The following USP33 variants were observed in gnomAD, a reference collection of about 807,000 sequenced individuals.
USP33 encodes the protein ubiquitin specific peptidase 33.
USP33 carries 46 observed loss-of-function variants against 124.2 expected under a neutral mutation model. The observed-to-expected ratio is 0.37, with a 90% confidence interval of 0.29 to 0.47. The LOEUF is 0.47. Ranked by LOEUF, USP33 falls within the 20% of genes least tolerant of loss-of-function variation. USP33 has a pLI of 0.99. For synonymous variants in USP33, 350 were observed against 352.3 expected, an observed-to-expected ratio of 0.99 and a Z score of 0.07; for missense variants, 851 against 1,070.6, an observed-to-expected ratio of 0.79 and a Z score of 2.86.
At chr1:77,721,554 T>G (rs1557835106) in intron 14 of USP33, 1 of 487,808 alleles carries the variant, frequency 2.0e-6, no homozygotes, top group East Asian at 3.8e-5. Context: ...AGTCCATTAT[T>G]TTGGTTGAGT....
chr1:77,711,749 G>T lies in USP33; in HGVS notation c.2404C>A (p.Arg802=). 1 of 1,600,720 alleles carries T rather than the reference G, an allele frequency of 6.2e-7. No individual in the cohort carries two copies. The highest frequency in any genetic ancestry group is 8.5e-7 in the Non-Finnish European group (1 of 1,176,684). The change falls in exon 21 of 24, where the codon CGG becomes AGG. Residue 802 remains arginine, a splice_region_variant and synonymous_variant. Transcript: ENST00000370794. ...RRKTELEIFI[R]LNRAFQKEDS... ...TTTGAAAAGCATCACTTTTTTACCC[G>T]AATAAAAATTTCCAATTCAGTTTTT...
At chr1:77,726,256 A>G (rs1677149916) in intron 10 of USP33, among the ~76,000 whole-genome samples, 1 of 152,044 alleles carries the variant, frequency 6.6e-6, no homozygotes, top group Non-Finnish European at 1.5e-5. Flanking sequence ...AATCCCAACT[A>G]ATGTTTATAA....
At chr1:77,698,044 T>A in intron 22 of USP33, 113 bp from the exon 23 acceptor site, 7 of 728,292 alleles carry the variant, frequency 9.6e-6, no homozygotes, top group Non-Finnish European at 1.6e-5. Flanking sequence ...TGGTTATTTC[T>A]CAGGCAAATT....
chr1:77,736,033 A>C, intron 6 of USP33, 23 bp downstream of exon 6: 2 of 1,529,496 alleles, frequency 1.3e-6, no homozygotes, highest in Non-Finnish European at 1.8e-6. Context: ...CATACAAAGA[A>C]GCGTTACACA....
chr1:77,743,343 T>C (rs944054366), intron 1 of USP33, among the ~76,000 whole-genome samples: 8 of 152,222 alleles, frequency 5.3e-5, no homozygotes, highest in Non-Finnish European at 1.0e-4. Flanking sequence ...AGGGTACATG[T>C]GCACAATGTG....
At chr1:77,734,259 TAGTCAACTACTATAGTTGCA>T in intron 7 of USP33, 68 bp downstream of exon 7, 1 of 969,068 alleles carries the variant, frequency 1.0e-6, no homozygotes, top group Non-Finnish European at 1.5e-6. Context: ...TACCTTGAGT[TAGTCAACTACTATAGTTGCA>T]AGGTTTTCTG....
At chr1:77,741,506 TCATA>T (rs1679113072) in intron 2 of USP33, 77 bp from the exon 3 acceptor site, 9 of 1,537,464 alleles carry the variant, frequency 5.9e-6, no homozygotes, top group Non-Finnish European at 7.9e-6. Context: ...ACTAATGACA[TCATA>T]CATATTTTTA....
intron 18 of USP33, 112 bp downstream of exon 18, chr1:77,715,630 G>T: frequency 1.6e-6 from 2 of 1,242,712 alleles, no homozygotes; most frequent in Non-Finnish European, 2.2e-6. Context: ...AATGAAATAG[G>T]AGGAAAACAA....
Position 77,701,487 on chromosome 1 carries a change from A to G in USP33, c.2407-16T>C, listed in dbSNP as rs1206549922. ...CTCTGTTAAGCTACAAGGGGGAAAA[A>G]AAACAGTCATCTAATATCTAAAACT... On this transcript the variant is annotated splice_polypyrimidine_tract_variant and intron_variant, in intron 21 of 23. Coordinates refer to ENST00000370794, the MANE Select transcript of USP33 (RefSeq NM_201624.3). 2 of 1,591,602 alleles carry G rather than the reference A, an allele frequency of 1.3e-6. No homozygotes were observed. The highest frequency in any genetic ancestry group is 1.1e-5 in the South Asian group (1 of 89,362).
chr1:77,723,540 C>T (rs1676816489), intron 11 of USP33, 97 bp from the exon 12 acceptor site: 1 of 735,644 alleles, frequency 1.4e-6, no homozygotes, highest in African/African-American at 1.8e-5. Flanking sequence ...TGTATATGAT[C>T]TCTAGAATCC....
At chr1:77,706,444 G>A (rs1434635569) in intron 21 of USP33, among the ~76,000 whole-genome samples, 1 of 152,122 alleles carries the variant, frequency 6.6e-6, no homozygotes, top group Non-Finnish European at 1.5e-5. Flanking sequence ...TGAGTCCTTT[G>A]ATGACACGTG....
chr1:77,744,420 G>T (rs1051140499), intron 1 of USP33, among the ~76,000 whole-genome samples: 1 of 152,106 alleles, frequency 6.6e-6, no homozygotes, highest in Non-Finnish European at 1.5e-5. Flanking sequence ...AGGGGAAAAT[G>T]TTCAAATTTG....
chr1:77,699,052 A>G (rs899051138), intron 22 of USP33, among the ~76,000 whole-genome samples: 7 of 152,214 alleles, frequency 4.6e-5, no homozygotes, highest in African/African-American at 1.7e-4. Flanking sequence ...CAAATTTACA[A>G]TTAAAAAAAC....
At chr1:77,756,302 T>C (rs944330130) in intron 1 of USP33, among the ~76,000 whole-genome samples, 1 of 152,106 alleles carries the variant, frequency 6.6e-6, no homozygotes, top group Non-Finnish European at 1.5e-5. Context: ...CCACATTTCA[T>C]CTCACATTTC....
chr1:77,756,275 G>A (rs1231995227), intron 1 of USP33, among the ~76,000 whole-genome samples: 3 of 152,018 alleles, frequency 2.0e-5, no homozygotes, highest in Admixed American at 6.6e-5. Flanking sequence ...TTCTAAATTC[G>A]GCATTTTTTT....
At chr1:77,754,550 A>G (rs1680632053) in intron 1 of USP33, among the ~76,000 whole-genome samples, 1 of 152,214 alleles carries the variant, frequency 6.6e-6, no homozygotes, top group South Asian at 2.1e-4. Context: ...TTCCCTTTAA[A>G]CAAATATTCT....
At chr1:77,732,789 C>CTTTTTTT (rs939934675) in intron 7 of USP33, among the ~76,000 whole-genome samples, 8 of 104,898 alleles carry the variant, frequency 7.6e-5, no homozygotes, top group South Asian at 3.0e-4. Flanking sequence ...AATGTCTCTT[C>CTTTTTTT]TTTTTTTTTT....
intron 6 of USP33, among the ~76,000 whole-genome samples, chr1:77,735,657 A>G (rs141941953): frequency 1.1e-4 from 16 of 152,328 alleles, no homozygotes; most frequent in African/African-American, 3.8e-4. Flanking sequence ...CCGGTTCTCA[A>G]TTTAGGGGAA....
In USP33 at chr1:77,711,733, C is replaced by T. The variant is rs747802711; in HGVS notation, c.2406+14G>A. On this transcript the variant is annotated intron_variant, in intron 21 of 23. Transcript: ENST00000370794. ...CTTTATCCTAGATCAATTTGAAAAGCATCACTTTTTTACCCGAATAAAAAT... is the reference window on the plus strand; with the variant it reads ...CTTTATCCTAGATCAATTTGAAAAGTATCACTTTTTTACCCGAATAAAAAT... The T allele has an allele frequency of 6.3e-7, 1 of 1,598,658 alleles. No homozygotes were observed. Among genetic ancestry groups the T allele is most frequent in the Non-Finnish European group, 8.5e-7 (1 of 1,176,556 alleles).
Sources: gnomAD v4.1 joint callset for allele counts (sites outside exome capture counted in the v4.1 genomes callset) on GRCh38, gnomAD v4.1.1 for gene constraint, MANE v1.5 for transcripts, NCBI Gene and HGNC (gene_info 2026-07-23, HGNC 2026-07-21) for gene names.